The following GLRA3 variants were observed in gnomAD, a reference collection of about 807,000 sequenced individuals.
GLRA3 encodes glycine receptor subunit alpha-3.
In GLRA3, 44 loss-of-function variants were observed where a neutral mutation model predicts 60.4. The observed-to-expected ratio is 0.73, with a 90% confidence interval of 0.57 to 0.94. GLRA3 has a LOEUF of 0.94. Ranked by LOEUF, GLRA3 falls within the 40% of genes least tolerant of loss-of-function variation. The pLI is 0.00. For synonymous variants in GLRA3, 223 were observed against 192.9 expected (o/e 1.16, Z -1.29); for missense variants, 508 against 564.6 (o/e 0.90, Z 1.02).
intron 3 of GLRA3, among the ~76,000 whole-genome samples, chr4:174,752,250 AG>A (rs1360289611): frequency 2.6e-5 from 4 of 152,158 alleles, no homozygotes; most frequent in Non-Finnish European, 5.9e-5. Flanking sequence ...CGGAGTGAGC[AG>A]AAAAACACAA....
chr4:174,789,024 G>T (rs1739228367), intron 1 of GLRA3, 81 bp from the exon 2 acceptor site: 2 of 875,466 alleles, frequency 2.3e-6, no homozygotes, highest in Admixed American at 2.8e-5. Flanking sequence ...AAATAGAAAT[G>T]CTGAGCTAAA....
chr4:174,727,534 A>G (rs1323416692), intron 4 of GLRA3, among the ~76,000 whole-genome samples: 6 of 152,216 alleles, frequency 3.9e-5, no homozygotes, highest in Non-Finnish European at 8.8e-5. Context: ...GAGACATGAC[A>G]TGAATTCTGT....
intron 3 of GLRA3, among the ~76,000 whole-genome samples, chr4:174,743,338 A>G (rs1354408437): frequency 6.6e-6 from 1 of 152,090 alleles, no homozygotes; most frequent in East Asian, 1.9e-4. Flanking sequence ...AGGATCCCAC[A>G]TTGCATTTAG....
chr4:174,748,859 T>G (rs1298802322), intron 3 of GLRA3, among the ~76,000 whole-genome samples: 3 of 141,526 alleles, frequency 2.1e-5, no homozygotes, highest in Admixed American at 6.9e-5. Context: ...TTGCAGAAAT[T>G]AGAAAGATAG....
chr4:174,797,774 A>T (rs1739628849), intron 1 of GLRA3, among the ~76,000 whole-genome samples: 1 of 152,064 alleles, frequency 6.6e-6, no homozygotes, highest in Non-Finnish European at 1.5e-5. Context: ...TCTACAAAAA[A>T]ATCAAAAATT....
At chr4:174,813,366 A>G (rs753746797) in intron 1 of GLRA3, among the ~76,000 whole-genome samples, 49 of 152,324 alleles carry the variant, frequency 3.2e-4, no homozygotes, top group South Asian at 6.2e-4. Flanking sequence ...TGCAGCCTTA[A>G]TAAATAAAGA....
At chr4:174,648,942 C>T (rs1460918602) in intron 9 of GLRA3, among the ~76,000 whole-genome samples, 4 of 152,194 alleles carry the variant, frequency 2.6e-5, no homozygotes, top group East Asian at 3.9e-4. Context: ...ATTTTGGCAG[C>T]GGACTCCACT....
chr4:174,735,626 A>G (rs1736754251), intron 3 of GLRA3, among the ~76,000 whole-genome samples: 1 of 151,890 alleles, frequency 6.6e-6, no homozygotes, highest in African/African-American at 2.4e-5. Context: ...AGTGGTGCCA[A>G]CTCTGCTCAT....
intron 1 of GLRA3, among the ~76,000 whole-genome samples, chr4:174,817,755 C>A (rs1740567789): frequency 6.6e-6 from 1 of 151,978 alleles, no homozygotes. Context: ...TAAAGGTGTG[C>A]ACCACAACAC....
At chr4:174,762,051 G>T (rs1400259304) in intron 3 of GLRA3, among the ~76,000 whole-genome samples, 1 of 152,114 alleles carries the variant, frequency 6.6e-6, no homozygotes, top group Admixed American at 6.6e-5. Context: ...AAGATTCACT[G>T]AATGAATGAA....
chr4:174,728,368 T>A (rs1253455045), intron 4 of GLRA3, 107 bp downstream of exon 4: 2 of 639,760 alleles, frequency 3.1e-6, no homozygotes, highest in South Asian at 1.9e-5. Flanking sequence ...AGTGCAACAA[T>A]GATAGCACTT....
intron 2 of GLRA3, among the ~76,000 whole-genome samples, chr4:174,778,957 G>A (rs1167218740): frequency 6.6e-6 from 1 of 152,238 alleles, no homozygotes; most frequent in African/African-American, 2.4e-5. Context: ...CTCCAACTGG[G>A]TGGAGCCCAC....
At chr4:174,700,421 T>C (rs1465345845) in intron 5 of GLRA3, among the ~76,000 whole-genome samples, 1 of 152,160 alleles carries the variant, frequency 6.6e-6, no homozygotes, top group African/African-American at 2.4e-5. Context: ...TAATCTGTGG[T>C]CAGTGATATT....
intron 1 of GLRA3, among the ~76,000 whole-genome samples, chr4:174,806,801 T>A (rs576153760): frequency 6.6e-6 from 1 of 152,118 alleles, no homozygotes; most frequent in East Asian, 1.9e-4. Flanking sequence ...TGTATATGTA[T>A]CTGTATATAT....
chr4:174,806,678 G>A (rs747441364), intron 1 of GLRA3, among the ~76,000 whole-genome samples: 5 of 151,970 alleles, frequency 3.3e-5, no homozygotes, highest in Non-Finnish European at 5.9e-5. Context: ...GAGAAGATAT[G>A]GGTAGGTTAT....
In GLRA3 at chr4:174,640,128, T is replaced by C. The variant is rs1332313990; in HGVS notation, c.*3658A>G. ...TTTTGGGAGTTTATGCTATTATCTA[T>C]GTTGCAAAGAGTGTGGAATCACTTT... is the stretch of plus-strand genomic sequence containing the variant. On this transcript the variant is annotated 3_prime_UTR_variant, in exon 10 of 10. Coordinates refer to ENST00000274093, the MANE Select transcript of GLRA3 (RefSeq NM_006529.4). 1 of 152,142 alleles carries C rather than the reference T, an allele frequency of 6.6e-6. No homozygotes were observed. Among genetic ancestry groups the C allele is most frequent in the Non-Finnish European group, 1.5e-5 (1 of 67,976 alleles). 9.4% of individuals were successfully genotyped at this position (152,142 alleles called of 1,614,324 possible). A position where few individuals can be genotyped will look rare whatever the true frequency, so the allele number is the denominator to read the frequency against.
intron 4 of GLRA3, among the ~76,000 whole-genome samples, chr4:174,725,655 G>GT (rs57654815): frequency 0.15 from 22,335 of 151,792 alleles, 1,933 homozygotes; most frequent in South Asian, 0.21. Context: ...TAATTTTTGT[G>GT]TTTTTTTGTA....
At chr4:174,711,037 T>C (rs1295560175) in intron 5 of GLRA3, among the ~76,000 whole-genome samples, 1 of 152,098 alleles carries the variant, frequency 6.6e-6, no homozygotes, top group Non-Finnish European at 1.5e-5. Flanking sequence ...AATCAAATAG[T>C]CATTTAGTAT....
At chr4:174,802,232 T>G (rs1739840889) in intron 1 of GLRA3, among the ~76,000 whole-genome samples, 1 of 151,950 alleles carries the variant, frequency 6.6e-6, no homozygotes, top group Admixed American at 6.6e-5. Context: ...ATTGGCCCAA[T>G]TTTCCCATAG....
Sources: gnomAD v4.1 joint callset for allele counts (sites outside exome capture counted in the v4.1 genomes callset) on GRCh38, gnomAD v4.1.1 for gene constraint, MANE v1.5 for transcripts, NCBI Gene and HGNC (gene_info 2026-07-23, HGNC 2026-07-21) for gene names.